GCSAML: variants seen among roughly 807,000 people sequenced by gnomAD.
GCSAML encodes the protein germinal center-associated signaling and motility-like protein.
Under a neutral mutation model 13.0 loss-of-function variants are expected in GCSAML, and 9 were observed. The ratio of observed to expected loss-of-function variants is 0.69; its 90% CI spans 0.42 to 1.21. The LOEUF is 1.21. GCSAML is among the 50% of genes most tolerant of loss of function. GCSAML has a pLI of 0.00. For missense variants in GCSAML, 143 were observed against 153.4 expected, an observed-to-expected ratio of 0.93 and a Z score of 0.36; for synonymous variants, 37 against 52.9, an observed-to-expected ratio of 0.70 and a Z score of 1.31.
chr1:247,554,763 T>C (rs1667896927), intron 1 of GCSAML, among the ~76,000 whole-genome samples: 1 of 152,140 alleles, frequency 6.6e-6, no homozygotes, highest in Admixed American at 6.5e-5. Context: ...GTTGGAGAAA[T>C]CATGTGCAAA....
intron 2 of GCSAML, chr1:247,531,255 C>T: frequency 5.2e-6 from 2 of 385,700 alleles, no homozygotes; most frequent in Non-Finnish European, 9.4e-6. Flanking sequence ...CCACCCGCTT[C>T]GGATACTGAG....
intron 3 of GCSAML, 31 bp downstream of exon 3, chr1:247,563,670 GT>G: frequency 7.7e-7 from 1 of 1,293,286 alleles, no homozygotes; most frequent in Non-Finnish European, 1.1e-6. Flanking sequence ...ATTTTTCATA[GT>G]AGGGAAGTGC....
chr1:247,527,732 T>C lies in GCSAML; in HGVS notation c.-148+678T>C, dbSNP rs1666740417. The stretch of plus-strand genomic sequence containing the variant: ...ATCCATCATCTCAAACATTTATCGT[T>C]TCTTCGTGCTGGGAACATTCAATAT... On this transcript the variant is annotated intron_variant, in intron 2 of 5. Coordinates refer to the GCSAML transcript ENST00000366489. This position sits in a 1 kb window ranked among gnomAD's most constrained non-coding sequence, Gnocchi z 4.6. 1 of 152,248 alleles carries C rather than the reference T, an allele frequency of 6.6e-6. No homozygotes were observed. Among genetic ancestry groups the C allele is most frequent in the Admixed American group, 6.5e-5 (1 of 15,282 alleles). 9.4% of individuals were successfully genotyped at this position (152,248 alleles called of 1,614,324 possible). A position where few individuals can be genotyped will look rare whatever the true frequency, so the allele number is the denominator to read the frequency against.
intron 1 of GCSAML, among the ~76,000 whole-genome samples, chr1:247,550,256 T>A (rs899253938): frequency 1.3e-5 from 2 of 152,140 alleles, no homozygotes; most frequent in Non-Finnish European, 2.9e-5. Flanking sequence ...CACCTGATGG[T>A]TCATACCGTC....
chr1:247,515,096 G>C (rs1260737417), intron 1 of GCSAML, among the ~76,000 whole-genome samples: 3 of 152,146 alleles, frequency 2.0e-5, no homozygotes, highest in African/African-American at 7.2e-5. Flanking sequence ...CCATGAGCAT[G>C]GGATGTGTTT....
chr1:247,540,693 G>A (rs1235499021), intron 2 of GCSAML, among the ~76,000 whole-genome samples: 1 of 152,220 alleles, frequency 6.6e-6, no homozygotes, highest in Non-Finnish European at 1.5e-5. Context: ...GGATGCAAGA[G>A]CAAGTGGGGG....
At chr1:247,570,470 T>G (rs2103074639) in intron 4 of GCSAML, among the ~76,000 whole-genome samples, 1 of 152,316 alleles carries the variant, frequency 6.6e-6, no homozygotes, top group African/African-American at 2.4e-5. Flanking sequence ...ATTTACCCAG[T>G]AGTCATTCAG....
At chr1:247,538,125 T>C (rs1667284809) in intron 2 of GCSAML, among the ~76,000 whole-genome samples, 1 of 152,232 alleles carries the variant, frequency 6.6e-6, no homozygotes, top group Non-Finnish European at 1.5e-5. Flanking sequence ...AATTTTTTGC[T>C]CTTTCATTTA....
Position 247,574,268 on chromosome 1 carries a change from A to G in GCSAML, c.294A>G (p.Lys98=). ...GYENIDSLTR[K]VRQFRERSET... is the part of the protein sequence containing the mutation. ...AGAACATTGACTCCCTCACAAGGAA[A>G]GTGAGACAGTTTAGAGAAAGGTCAG... is the stretch of plus-strand genomic sequence containing the variant. Residue 98 remains lysine (K), a synonymous_variant, in exon 5 of 5, where the codon AAA becomes AAG. Transcript: ENST00000366488. 1.2e-6 allele frequency: 2 copies of G among 1,614,130 alleles called. No homozygotes were observed. The highest frequency in any genetic ancestry group is 1.7e-6 in the Non-Finnish European group (2 of 1,180,002).
At chr1:247,521,838 C>G (rs559996201) in intron 1 of GCSAML, among the ~76,000 whole-genome samples, 1,888 of 152,206 alleles carry the variant, frequency 0.012, 19 homozygotes, top group Middle Eastern at 0.031. Flanking sequence ...TGCCTGGCTG[C>G]CCATCGTCTG....
At chr1:247,519,408 G>A (rs1410499682) in intron 1 of GCSAML, 1 of 152,214 alleles carries the variant, frequency 6.6e-6, no homozygotes, top group Non-Finnish European at 1.5e-5. Flanking sequence ...TGTGTCTGTG[G>A]TGAGTGTTTT....
intron 4 of GCSAML, among the ~76,000 whole-genome samples, chr1:247,571,656 G>A (rs531939720): frequency 6.6e-6 from 1 of 152,222 alleles, no homozygotes; most frequent in East Asian, 1.9e-4. Flanking sequence ...TTCAACGTCG[G>A]TGAATCTGAT....
At chr1:247,530,045 G>GTA (rs1200341305) in intron 2 of GCSAML, 1 of 152,016 alleles carries the variant, frequency 6.6e-6, no homozygotes, top group Non-Finnish European at 1.5e-5. Context: ...CAGGGTGTGT[G>GTA]TGTGTGTGTG....
chr1:247,513,543 G>A (rs565289354), intron 1 of GCSAML, among the ~76,000 whole-genome samples: 1 of 152,294 alleles, frequency 6.6e-6, no homozygotes, highest in African/African-American at 2.4e-5. Context: ...CATTCCAGGC[G>A]CCACTTGTGT....
intron 2 of GCSAML, chr1:247,531,171 G>A: frequency 4.6e-6 from 1 of 217,254 alleles, no homozygotes; most frequent in Non-Finnish European, 9.2e-6. Context: ...GGGCTCTGGG[G>A]AACAGGCCGG....
intron 1 of GCSAML, among the ~76,000 whole-genome samples, chr1:247,509,789 T>C (rs1256847926): frequency 6.6e-6 from 1 of 152,234 alleles, no homozygotes; most frequent in Non-Finnish European, 1.5e-5. Context: ...GTTTTGTTTA[T>C]GTGATTGATT....
chr1:247,530,936 G>A (rs1327392144), intron 2 of GCSAML: 1 of 152,954 alleles, frequency 6.5e-6, no homozygotes, highest in East Asian at 1.9e-4. Flanking sequence ...CGCGGTCTTG[G>A]TCTGGGTCGG....
At chr1:247,525,152 A>G (rs1666627498) in intron 1 of GCSAML, 1 of 152,112 alleles carries the variant, frequency 6.6e-6, no homozygotes, top group South Asian at 2.1e-4. Context: ...AAAACAAACT[A>G]AAGCGCTTTT....
At chr1:247,521,230 C>T (rs1190179759) in intron 1 of GCSAML, among the ~76,000 whole-genome samples, 1 of 151,564 alleles carries the variant, frequency 6.6e-6, no homozygotes, top group East Asian at 1.9e-4. Context: ...TATATACCTG[C>T]AGTATTAATT....
Sources: gnomAD v4.1 joint callset for allele counts (sites outside exome capture counted in the v4.1 genomes callset) on GRCh38, gnomAD v4.1.1 for gene constraint, Gnocchi (gnomAD v3.1) non-coding constraint, MANE v1.5 for transcripts, NCBI Gene and HGNC (gene_info 2026-07-23, HGNC 2026-07-21) for gene names.